CDCP1: variants seen among roughly 807,000 people sequenced by gnomAD.
CDCP1 encodes the protein CUB domain containing protein 1.
CDCP1 carries 29 observed loss-of-function variants against 60.2 expected under a neutral mutation model. The observed-to-expected ratio is 0.48, with a 90% CI of 0.36 to 0.66. The LOEUF (loss-of-function observed/expected upper bound fraction) is 0.66, where lower values mean the gene tolerates loss of function less well. Ranked by LOEUF, CDCP1 falls within the 30% of genes least tolerant of loss-of-function variation. The pLI, the probability that CDCP1 is intolerant of heterozygous loss-of-function variation, is 0.00. For missense variants in CDCP1, 876 were observed against 1,074.3 expected (o/e 0.82, Z 2.58); for synonymous variants, 387 against 431.1 (o/e 0.90, Z 1.27).
rs563610744 is a variant in CDCP1, at chr3:45,085,446, G to A, written c.*192C>T. On this transcript the variant is annotated 3_prime_UTR_variant, in exon 9 of 9. Coordinates refer to ENST00000296129, the MANE Select transcript of CDCP1 (RefSeq NM_022842.5). This position sits in a 1 kb window ranked among gnomAD's most constrained non-coding sequence, Gnocchi z 4.2. The stretch of plus-strand genomic sequence containing the variant: ...AGCTGTCATGACTGTATCCAGATTG[G>A]AATTCATCATTTTCAATGTCTTGCC... 3.6e-4 allele frequency: 221 copies of A among 614,322 alleles called. No individual in the cohort carries two copies. The highest frequency in any genetic ancestry group is 3.6e-3 in the African/African-American group (195 of 54,304). The allele number at this position is 614,322 out of a possible 1,614,324, so 38.1% of individuals were successfully genotyped here.
At chr3:45,093,199 A>C (rs1332383672) in intron 6 of CDCP1, 78 bp downstream of exon 6, 28 of 1,503,450 alleles carry the variant, frequency 1.9e-5, no homozygotes, top group Non-Finnish European at 2.1e-5. Context: ...CTGGCAACTT[A>C]ATTAAGGTGA....
At chr3:45,100,690 T>C (rs1409688245) in intron 4 of CDCP1, among the ~76,000 whole-genome samples, 1 of 152,226 alleles carries the variant, frequency 6.6e-6, no homozygotes, top group African/African-American at 2.4e-5. Flanking sequence ...ACCTTAAAAA[T>C]GTTTTAAAAT....
chr3:45,126,130 C>CTTTCT (rs1559398811), intron 1 of CDCP1, among the ~76,000 whole-genome samples: 1 of 132,192 alleles, frequency 7.6e-6, no homozygotes, highest in African/African-American at 3.4e-5. Flanking sequence ...TTCTTTCTTT[C>CTTTCT]TTTCTTTCTT....
chr3:45,095,565 T>G lies in CDCP1; in HGVS notation c.1028A>C (p.Lys343Thr), dbSNP rs774427266. The change falls in exon 5 of 9, where the codon AAA becomes ACA. Residue 343 changes from lysine to threonine, a missense_variant. By Grantham distance (78) the Lys-to-Thr change is moderately conservative (BLOSUM62 -1). Coordinates refer to ENST00000296129, the MANE Select transcript of CDCP1 (RefSeq NM_022842.5). Reference sequence around the variant, plus strand: ...ATTACTCAAGTCAACCACGTAGATTTTATCTGAAACCACAAACAGAAAACA... The same window carrying G: ...ATTACTCAAGTCAACCACGTAGATTGTATCTGAAACCACAAACAGAAAACA... ...LVQHPQNESN[K>T]IYVVDLSNER... is the part of the protein sequence containing the mutation. 8.1e-6 allele frequency: 13 copies of G among 1,613,574 alleles called. No homozygotes were observed. In the South Asian group the frequency reaches 1.3e-4, roughly 16 times the overall value.
intron 1 of CDCP1, among the ~76,000 whole-genome samples, chr3:45,120,338 A>T (rs1237907053): frequency 6.6e-6 from 1 of 152,124 alleles, no homozygotes; most frequent in Non-Finnish European, 1.5e-5. Flanking sequence ...ATGGAAATTG[A>T]TCTCCCAACC....
chr3:45,146,140 G>A, intron 1 of CDCP1, 66 bp downstream of exon 1: 3 of 1,427,350 alleles, frequency 2.1e-6, no homozygotes, highest in Non-Finnish European at 2.8e-6. Flanking sequence ...CCGCATCTCC[G>A]CCGGGCGTCC....
chr3:45,119,592 G>A (rs902418861), intron 1 of CDCP1, among the ~76,000 whole-genome samples: 3 of 152,322 alleles, frequency 2.0e-5, no homozygotes, highest in Non-Finnish European at 2.9e-5. Flanking sequence ...ATCTGTTATC[G>A]TGCTGGCACA....
chr3:45,115,858 C>T (rs1698781118), intron 2 of CDCP1, among the ~76,000 whole-genome samples: 1 of 152,162 alleles, frequency 6.6e-6, no homozygotes, highest in South Asian at 2.1e-4. Context: ...CACATGCCAC[C>T]ACGCCTGGCT....
intron 8 of CDCP1, among the ~76,000 whole-genome samples, chr3:45,088,132 T>C (rs1698231391): frequency 6.6e-6 from 1 of 152,230 alleles, no homozygotes; most frequent in African/African-American, 2.4e-5. Context: ...GCAGAATTTA[T>C]ACAGTTTGGC....
chr3:45,103,152 C>T lies in CDCP1; in HGVS notation c.1024+7321G>A, dbSNP rs567147153. On this transcript the variant is annotated intron_variant, in intron 4 of 8. Transcript: ENST00000296129. ...AGTCAGTTTCCCCCAACTTCCCATC[C>T]CCTAAAAGGCAACGATTTTCTGATT... Among the ~76,000 whole-genome samples, 14 of 152,260 alleles carry T rather than the reference C, an allele frequency of 9.2e-5. No individual in the cohort carries two copies. In the South Asian group the frequency reaches 2.9e-3, roughly 32 times the overall value.
intron 7 of CDCP1, among the ~76,000 whole-genome samples, chr3:45,090,009 G>C (rs1448068469): frequency 6.6e-6 from 1 of 152,170 alleles, no homozygotes; most frequent in African/African-American, 2.4e-5. Context: ...TATTCACCAA[G>C]AAAACAAAAG....
At chr3:45,109,586 T>G (rs1033027784) in intron 4 of CDCP1, among the ~76,000 whole-genome samples, 1 of 151,974 alleles carries the variant, frequency 6.6e-6, no homozygotes, top group African/African-American at 2.4e-5. Flanking sequence ...GAAGAGCCAG[T>G]CTGAGTTAAT....
At position 45,085,520 on chromosome 3, in the gene CDCP1, A is replaced by G; in HGVS notation, c.*118T>C. The G allele has an allele frequency of 9.2e-7, 1 of 1,089,748 alleles. No individual in the cohort carries two copies. Among genetic ancestry groups the G allele is most frequent in the East Asian group, 2.4e-5 (1 of 42,066 alleles). 67.5% of individuals were successfully genotyped at this position (1,089,748 alleles called of 1,614,324 possible). Reference sequence around the variant, plus strand: ...TGTGAAGTTGGCGGTGTCCAGGAAAACCTCCTGCTGTTCCTTCTGTATAAT... The same window carrying G: ...TGTGAAGTTGGCGGTGTCCAGGAAAGCCTCCTGCTGTTCCTTCTGTATAAT... On this transcript the variant is annotated 3_prime_UTR_variant, in exon 9 of 9. Transcript: ENST00000296129. The surrounding 1 kb of genome is among the most constrained non-coding windows in gnomAD (Gnocchi z 4.2).
At chr3:45,119,269 G>A (rs1345996635) in intron 1 of CDCP1, among the ~76,000 whole-genome samples, 5 of 152,238 alleles carry the variant, frequency 3.3e-5, no homozygotes, top group Non-Finnish European at 7.3e-5. Context: ...TCAAGCAAGT[G>A]AGGTGGGGGT....
At chr3:45,101,996 G>A (rs1423752919) in intron 4 of CDCP1, among the ~76,000 whole-genome samples, 1 of 152,128 alleles carries the variant, frequency 6.6e-6, no homozygotes, top group Non-Finnish European at 1.5e-5. Context: ...ATGCTCCAGT[G>A]TTGGTACACA....
chr3:45,108,954 T>TGCATGTATACATATATATATA, intron 4 of CDCP1, among the ~76,000 whole-genome samples: 1 of 32,712 alleles, frequency 3.1e-5, no homozygotes, highest in East Asian at 6.8e-4. Flanking sequence ...TATATATATA[T>TGCATGTATACATATATATATA]TTTTTTTTTT....
chr3:45,145,708 A>T (rs185438648), intron 1 of CDCP1, among the ~76,000 whole-genome samples: 4 of 152,158 alleles, frequency 2.6e-5, no homozygotes, highest in African/African-American at 7.2e-5. Flanking sequence ...GGAAATGCGG[A>T]CGTGAAAGCA....
chr3:45,089,021 A>G (rs748819844), intron 8 of CDCP1, 33 bp downstream of exon 8: 7 of 1,530,986 alleles, frequency 4.6e-6, no homozygotes, highest in Middle Eastern at 1.7e-4. Flanking sequence ...GGAGGCATCA[A>G]ATCAGATAAA....
rs748164536 is a variant in CDCP1, at chr3:45,085,893, G to GCTC, written c.2255_2256insGAG (p.Ser753dup). The GCTC allele has an allele frequency of 3.7e-6, 6 of 1,614,078 alleles. No homozygotes were observed. ...TGTCCACCTCTGGCTGCAGGAAGGA[G>GCTC]CCGCTGGAATCCTGTAGCAGATGCC... On this transcript the variant is annotated inframe_insertion, in exon 9 of 9. Coordinates refer to ENST00000296129, the MANE Select transcript of CDCP1 (RefSeq NM_022842.5). This position sits in a 1 kb window ranked among gnomAD's most constrained non-coding sequence, Gnocchi z 4.2.
Sources: gnomAD v4.1 joint callset for allele counts (sites outside exome capture counted in the v4.1 genomes callset) on GRCh38, gnomAD v4.1.1 for gene constraint, Gnocchi (gnomAD v3.1) non-coding constraint, MANE v1.5 for transcripts, NCBI Gene and HGNC (gene_info 2026-07-23, HGNC 2026-07-21) for gene names.